The following MTHFD2 variants were observed in gnomAD, a reference collection of about 807,000 sequenced individuals.
The protein encoded by MTHFD2 is bifunctional methylenetetrahydrofolate dehydrogenase/cyclohydrolase, mitochondrial.
In MTHFD2, 26 loss-of-function variants were observed where a neutral mutation model predicts 36.8. The ratio of observed to expected loss-of-function variants is 0.71; its 90% CI spans 0.52 to 0.98. MTHFD2 has a LOEUF of 0.98. Among genes scored for constraint, MTHFD2 ranks in the 50% least tolerant of loss-of-function variants. The pLI is 0.00. For synonymous variants in MTHFD2, 164 were observed against 155.2 expected, an observed-to-expected ratio of 1.06 and a Z score of -0.42; for missense variants, 373 against 434.0, an observed-to-expected ratio of 0.86 and a Z score of 1.25.
At chr2:74,210,786 T>G (rs534457533) in intron 5 of MTHFD2, among the ~76,000 whole-genome samples, 1 of 34,108 alleles carries the variant, frequency 2.9e-5, no homozygotes, top group South Asian at 4.2e-4. Flanking sequence ...ATTAAGTCAG[T>G]TTTTTTTTTT....
chr2:74,213,771 A>G (rs1694364731), intron 7 of MTHFD2, among the ~76,000 whole-genome samples: 3 of 152,206 alleles, frequency 2.0e-5, no homozygotes, highest in African/African-American at 4.8e-5. Flanking sequence ...AGAAAATGCT[A>G]TAGGCAGGTA....
chr2:74,205,638 C>CT (rs1694157830), intron 1 of MTHFD2, 67 bp from the exon 2 acceptor site: 1 of 1,529,136 alleles, frequency 6.5e-7, no homozygotes, highest in East Asian at 2.4e-5. Flanking sequence ...GCCACTACAC[C>CT]TGGCAGAGTT....
chr2:74,201,151 C>A (rs1021143520), intron 1 of MTHFD2, among the ~76,000 whole-genome samples: 2 of 152,002 alleles, frequency 1.3e-5, no homozygotes, highest in Non-Finnish European at 2.9e-5. Context: ...CCATGCCCTG[C>A]TAATTTTTGT....
In MTHFD2 at chr2:74,198,806, C is replaced by T. The variant is rs578200630; in HGVS notation, c.101+64C>T. Reference sequence around the variant, plus strand: ...AGGGGAACGGAGGGCGAGGGGCACGCCGGGCCCCCGAGGGACACCGAGGGA... The same window carrying T: ...AGGGGAACGGAGGGCGAGGGGCACGTCGGGCCCCCGAGGGACACCGAGGGA... On this transcript the variant is annotated intron_variant, in intron 1 of 7. Coordinates refer to ENST00000394053, the MANE Select transcript of MTHFD2 (RefSeq NM_006636.4). The T allele has an allele frequency of 6.4e-6, 9 of 1,409,264 alleles. No individual in the cohort carries two copies. In the Admixed American group the frequency reaches 8.5e-5, roughly 13 times the overall value. 87.3% of individuals were successfully genotyped at this position (1,409,264 alleles called of 1,614,324 possible).
intron 1 of MTHFD2, among the ~76,000 whole-genome samples, chr2:74,204,173 T>TA (rs1694125057): frequency 2.0e-5 from 3 of 152,136 alleles, no homozygotes; most frequent in Admixed American, 2.0e-4. Context: ...CTCGGCCTCC[T>TA]AAAGTGCTGG....
At chr2:74,208,985 T>G (rs1252080640) in intron 4 of MTHFD2, among the ~76,000 whole-genome samples, 1 of 151,824 alleles carries the variant, frequency 6.6e-6, no homozygotes, top group African/African-American at 2.4e-5. Flanking sequence ...GCGATTCTCA[T>G]GCCTCAGCCT....
At position 74,201,912 on chromosome 2, in the gene MTHFD2, C is replaced by T. The variant is rs7340369; in HGVS notation, c.101+3170C>T. Among the ~76,000 whole-genome samples the T allele has an allele frequency of 3.4e-3, 511 of 151,770 alleles. 5 individuals carry two copies. Among genetic ancestry groups the T allele is most frequent in the African/African-American group, 0.012 (482 of 41,404 alleles). On this transcript the variant is annotated intron_variant, in intron 1 of 7. Transcript: ENST00000394053. ...TATGAAAGATATTCATTGCATGTGA[C>T]TTTGTTTTTGGTTCTTGTTACTCTT... is the stretch of plus-strand genomic sequence containing the variant.
At chr2:74,203,850 AGT>A (rs1694100847) in intron 1 of MTHFD2, among the ~76,000 whole-genome samples, 2 of 45,260 alleles carry the variant, frequency 4.4e-5, no homozygotes, top group African/African-American at 3.5e-4. Flanking sequence ...CATCTAGTTT[AGT>A]TTAGTTTAGT....
At chr2:74,208,240 A>G (rs1694225986) in intron 3 of MTHFD2, among the ~76,000 whole-genome samples, 1 of 151,696 alleles carries the variant, frequency 6.6e-6, no homozygotes, top group African/African-American at 2.4e-5. Context: ...CTGGTTCTTC[A>G]TGTGGATTTG....
Position 74,215,356 on chromosome 2 carries a change from A to G in MTHFD2, c.*1114A>G, listed in dbSNP as rs1268238005. On this transcript the variant is annotated 3_prime_UTR_variant, in exon 8 of 8. Coordinates refer to ENST00000394053, the MANE Select transcript of MTHFD2 (RefSeq NM_006636.4). ...AACCAGTTTTTTTCTCATTTAATCA[A>G]TGTAGCTATTCCTATATTCAGTAAC... 1 of 151,906 alleles carries G rather than the reference A, an allele frequency of 6.6e-6. No homozygotes were observed. The highest frequency in any genetic ancestry group is 2.4e-5 in the African/African-American group (1 of 41,368). 9.4% of individuals were successfully genotyped at this position (151,906 alleles called of 1,614,324 possible). A position where few individuals can be genotyped will look rare whatever the true frequency, so the allele number is the denominator to read the frequency against.
chr2:74,214,042 A>G (rs772019733), intron 7 of MTHFD2, 37 bp from the exon 8 acceptor site: 19 of 1,599,920 alleles, frequency 1.2e-5, no homozygotes, highest in Middle Eastern at 1.7e-4. Flanking sequence ...GTCCTTTGCC[A>G]TAACTAAAGC....
In MTHFD2 at chr2:74,215,654, G is replaced by GCT. The variant is rs1323151500; in HGVS notation, c.*1413_*1414dup. 3 of 152,410 alleles carry GCT rather than the reference G, an allele frequency of 2.0e-5. No individual in the cohort carries two copies. The highest frequency in any genetic ancestry group is 1.3e-4 in the Admixed American group (2 of 15,270). 9.4% of individuals were successfully genotyped at this position (152,410 alleles called of 1,614,324 possible). ...GACTGAGTCTTGCTCTGTTGCCCAG[G>GCT]CTGGAGTGCAGTGGCATGATCTCGG... On this transcript the variant is annotated 3_prime_UTR_variant, in exon 8 of 8. Coordinates refer to ENST00000394053, the MANE Select transcript of MTHFD2 (RefSeq NM_006636.4).
chr2:74,202,479 C>T (rs976996895), intron 1 of MTHFD2, among the ~76,000 whole-genome samples: 14 of 151,950 alleles, frequency 9.2e-5, no homozygotes, highest in African/African-American at 2.9e-4. Flanking sequence ...AGGAATGTTG[C>T]CAGGTGTATT....
chr2:74,210,121 A>G (rs1438075716), intron 5 of MTHFD2, 72 bp downstream of exon 5: 3 of 1,269,508 alleles, frequency 2.4e-6, no homozygotes, highest in Admixed American at 4.2e-5. Flanking sequence ...CATCCTGTGC[A>G]TGTTTGGAAG....
Position 74,208,591 on chromosome 2 carries a change from C to G in MTHFD2, c.432C>G (p.Ile144Met). 2 of 1,614,152 alleles carry G rather than the reference C, an allele frequency of 1.2e-6. No homozygotes were observed. Among genetic ancestry groups the G allele is most frequent in the Non-Finnish European group, 1.7e-6 (2 of 1,180,012 alleles). The change falls in exon 4 of 8, where the codon ATC (isoleucine) becomes ATG (methionine). Residue 144 changes from isoleucine (I) to methionine (M), a missense_variant. Around this residue, in one of 2 missense-constraint regions of MTHFD2, gnomAD observed 308 missense variants for 397.8 expected, o/e 0.77. Transcript: ENST00000394053. ...CAGAGCATATTGATGAGAGAAGGATCTGCAATGCTGTTTCTCCAGACAAGG... is the reference window on the plus strand; with the variant it reads ...CAGAGCATATTGATGAGAGAAGGATGTGCAATGCTGTTTCTCCAGACAAGG... Reference protein sequence around the residue: ...PLPEHIDERRICNAVSPDKDV... With the variant: ...PLPEHIDERRMCNAVSPDKDV...
intron 7 of MTHFD2, among the ~76,000 whole-genome samples, chr2:74,213,603 C>T (rs1230705420): frequency 6.6e-6 from 1 of 152,122 alleles, no homozygotes; most frequent in African/African-American, 2.4e-5. Context: ...GCTGATAATC[C>T]TATTCCTAGC....
At chr2:74,206,726 G>A (rs1478830782) in intron 2 of MTHFD2, 1 of 152,322 alleles carries the variant, frequency 6.6e-6, no homozygotes, top group African/African-American at 2.4e-5. Context: ...TTTGTTTTTT[G>A]AGACGGCATT....
chr2:74,209,100 G>A (rs56100026), intron 4 of MTHFD2, among the ~76,000 whole-genome samples: 103,491 of 151,480 alleles, frequency 0.68, 37,189 homozygotes, highest in African/African-American at 0.92. Context: ...CTCGAACTAG[G>A]CCTCAGGTGA....
At position 74,207,751 on chromosome 2, in the gene MTHFD2, G is replaced by A; in HGVS notation, c.334G>A (p.Glu112Lys). The change falls in exon 3 of 8, where the codon GAA becomes AAA. Residue 112 changes from glutamate (E) to lysine (K), a missense_variant. Transcript: ENST00000394053. ...IMKPASISEE[E>K]LLNLINKLNN... ...GAAACCAGCTTCAATTTCAGAGGAAGAATTGTTGAATTTAATCAATAAACT... is the reference window on the plus strand; with the variant it reads ...GAAACCAGCTTCAATTTCAGAGGAAAAATTGTTGAATTTAATCAATAAACT... 1 of 1,606,628 alleles carries A rather than the reference G, an allele frequency of 6.2e-7. No individual in the cohort carries two copies. Among genetic ancestry groups the A allele is most frequent in the African/African-American group, 1.3e-5 (1 of 74,964 alleles).
Sources: gnomAD v4.1 joint callset for allele counts (sites outside exome capture counted in the v4.1 genomes callset) on GRCh38, gnomAD v4.1.1 for gene constraint, gnomAD v4.1.1 regional missense constraint, MANE v1.5 for transcripts, NCBI Gene and HGNC (gene_info 2026-07-23, HGNC 2026-07-21) for gene names.